FBXL7: variants seen among roughly 807,000 people sequenced by gnomAD.
FBXL7 encodes F-box and leucine rich repeat protein 7.
In FBXL7, 12 loss-of-function variants were observed where a neutral mutation model predicts 38.3. The observed-to-expected ratio is 0.31, with a 90% CI of 0.20 to 0.51. The LOEUF (loss-of-function observed/expected upper bound fraction) is 0.51. Ranked by LOEUF, FBXL7 falls within the 20% of genes least tolerant of loss-of-function variation. FBXL7 has a pLI of 0.98. For missense variants in FBXL7, 567 were observed against 676.4 expected, an observed-to-expected ratio of 0.84 and a Z score of 1.79; for synonymous variants, 297 against 300.9, an observed-to-expected ratio of 0.99 and a Z score of 0.13.
chr5:15,934,061 G>GT (rs1459094362), intron 3 of FBXL7, among the ~76,000 whole-genome samples: 1 of 152,138 alleles, frequency 6.6e-6, no homozygotes, highest in African/African-American at 2.4e-5. Flanking sequence ...CTGGAGTGCA[G>GT]TGGTGCGCTC....
chr5:15,677,241 G>A lies in FBXL7; in HGVS notation c.127+61169G>A, dbSNP rs1433698243. Among the ~76,000 whole-genome samples the A allele has an allele frequency of 4.6e-5, 7 of 152,140 alleles. No individual in the cohort carries two copies. In the South Asian group the frequency reaches 6.2e-4, roughly 13 times the overall value. Reference sequence around the variant, plus strand: ...TCCCAACACTTTGGGAGGCCAAGGCGGGCAGATCTCTTGAGGACAGGAGTT... The same window carrying A: ...TCCCAACACTTTGGGAGGCCAAGGCAGGCAGATCTCTTGAGGACAGGAGTT... On this transcript the variant is annotated intron_variant, in intron 2 of 3. Coordinates refer to ENST00000504595, the MANE Select transcript of FBXL7 (RefSeq NM_012304.5).
chr5:15,716,170 C>T (rs1198719067), intron 2 of FBXL7, among the ~76,000 whole-genome samples: 11 of 152,154 alleles, frequency 7.2e-5, no homozygotes, highest in African/African-American at 1.2e-4. Flanking sequence ...GGATTGCTAA[C>T]GCTCTATTGT....
intron 2 of FBXL7, among the ~76,000 whole-genome samples, chr5:15,619,508 A>G (rs374016175): frequency 1.3e-5 from 2 of 152,164 alleles, no homozygotes; most frequent in Non-Finnish European, 2.9e-5. Flanking sequence ...TTCTAGAACT[A>G]TGTTTAACCT....
At chr5:15,870,343 C>G (rs942874912) in intron 2 of FBXL7, among the ~76,000 whole-genome samples, 1 of 152,082 alleles carries the variant, frequency 6.6e-6, no homozygotes, top group Non-Finnish European at 1.5e-5. Flanking sequence ...AATCAAGAGG[C>G]TTAAAGACCA....
chr5:15,520,682 G>T (rs891000783), intron 1 of FBXL7, among the ~76,000 whole-genome samples: 1 of 152,120 alleles, frequency 6.6e-6, no homozygotes, highest in Admixed American at 6.5e-5. Context: ...AAATATTTCC[G>T]ATATTTGCTT....
intron 1 of FBXL7, among the ~76,000 whole-genome samples, chr5:15,571,883 G>A (rs1239567358): frequency 6.6e-6 from 1 of 152,062 alleles, no homozygotes; most frequent in Non-Finnish European, 1.5e-5. Flanking sequence ...GGTAGTGGTG[G>A]GGTGGTTCAG....
At chr5:15,511,015 C>G (rs771364670) in intron 1 of FBXL7, among the ~76,000 whole-genome samples, 1 of 152,186 alleles carries the variant, frequency 6.6e-6, no homozygotes, top group Non-Finnish European at 1.5e-5. Context: ...CCCTCCTCAC[C>G]CTGCCCATCA....
intron 2 of FBXL7, among the ~76,000 whole-genome samples, chr5:15,780,246 A>G (rs143042525): frequency 3.5e-4 from 53 of 152,258 alleles, no homozygotes; most frequent in African/African-American, 1.3e-3. Context: ...AAAGTTGCCT[A>G]TGGCAGCTTG....
At chr5:15,905,002 G>A (rs1390052550) in intron 2 of FBXL7, among the ~76,000 whole-genome samples, 1 of 152,114 alleles carries the variant, frequency 6.6e-6, no homozygotes, top group Non-Finnish European at 1.5e-5. Context: ...GGAACTAAAA[G>A]CAAAAGTTGT....
intron 1 of FBXL7, among the ~76,000 whole-genome samples, chr5:15,505,566 T>C (rs1283643814): frequency 6.6e-6 from 1 of 152,152 alleles, no homozygotes; most frequent in African/African-American, 2.4e-5. Context: ...ACTAGAATGG[T>C]GAACACCCAC....
chr5:15,593,405 T>G (rs1739535595), intron 1 of FBXL7, among the ~76,000 whole-genome samples: 1 of 152,068 alleles, frequency 6.6e-6, no homozygotes, highest in Non-Finnish European at 1.5e-5. Flanking sequence ...GTACCTGTAA[T>G]CCCAGCTTCT....
chr5:15,735,471 G>A (rs570601778), intron 2 of FBXL7, among the ~76,000 whole-genome samples: 1 of 152,308 alleles, frequency 6.6e-6, no homozygotes, highest in Admixed American at 6.5e-5. Flanking sequence ...TTAGTCATTG[G>A]AAGGACACAG....
At chr5:15,855,716 A>T (rs190581013) in intron 2 of FBXL7, among the ~76,000 whole-genome samples, 1 of 152,300 alleles carries the variant, frequency 6.6e-6, no homozygotes, top group African/African-American at 2.4e-5. Flanking sequence ...GAAGAGAACC[A>T]ACATTTATGG....
At chr5:15,782,136 C>T (rs1341623420) in intron 2 of FBXL7, among the ~76,000 whole-genome samples, 1 of 152,158 alleles carries the variant, frequency 6.6e-6, no homozygotes, top group African/African-American at 2.4e-5. Context: ...CCAGCTTCAT[C>T]CATGTCCCTG....
At chr5:15,608,612 C>T (rs1182952700) in intron 1 of FBXL7, among the ~76,000 whole-genome samples, 1 of 152,078 alleles carries the variant, frequency 6.6e-6, no homozygotes, top group Non-Finnish European at 1.5e-5. Context: ...GAGATTATCT[C>T]TGAAAATAAT....
At chr5:15,510,681 T>C (rs879875639) in intron 1 of FBXL7, among the ~76,000 whole-genome samples, 2 of 152,264 alleles carry the variant, frequency 1.3e-5, no homozygotes, top group Non-Finnish European at 2.9e-5. Context: ...TAACTCTCTT[T>C]TCTTCAAAAG....
Position 15,763,764 on chromosome 5 carries a change from C to T in FBXL7, c.127+147692C>T, listed in dbSNP as rs368159886. ...AATAACAATTATAAACTGTTTTGGG[C>T]AGAGTTATCCAGAGAGAAAGAACCA... is the stretch of plus-strand genomic sequence containing the variant. On this transcript the variant is annotated intron_variant, in intron 2 of 3. Transcript: ENST00000504595. Among the ~76,000 whole-genome samples the T allele has an allele frequency of 9.9e-5, 15 of 152,174 alleles. 1 individual carries two copies. Among genetic ancestry groups the T allele is most frequent in the African/African-American group, 2.9e-4 (12 of 41,516 alleles).
At chr5:15,714,220 TCTC>T (rs1211141025) in intron 2 of FBXL7, among the ~76,000 whole-genome samples, 3 of 152,146 alleles carry the variant, frequency 2.0e-5, no homozygotes, top group African/African-American at 7.2e-5. Context: ...TTCTTGCTGT[TCTC>T]CTAATAGTGA....
intron 2 of FBXL7, among the ~76,000 whole-genome samples, chr5:15,743,308 G>A (rs1055288002): frequency 4.6e-5 from 7 of 152,164 alleles, no homozygotes; most frequent in African/African-American, 1.4e-4. Flanking sequence ...ATACAATAGG[G>A]GTGCAGGCAT....
Sources: gnomAD v4.1 joint callset for allele counts (sites outside exome capture counted in the v4.1 genomes callset) on GRCh38, gnomAD v4.1.1 for gene constraint, MANE v1.5 for transcripts, NCBI Gene and HGNC (gene_info 2026-07-23, HGNC 2026-07-21) for gene names.